TTLL4: variants seen among roughly 807,000 people sequenced by gnomAD.
TTLL4 encodes the protein tubulin monoglutamylase TTLL4.
TTLL4 carries 85 observed loss-of-function variants against 122.7 expected under a neutral mutation model. The ratio of observed to expected loss-of-function variants is 0.69; its 90% CI spans 0.58 to 0.83. The LOEUF is 0.83. TTLL4 is among the 40% of genes least tolerant of loss of function. The probability of loss-of-function intolerance (pLI) is 0.00; values close to 1 mark genes in which losing one functional copy is unlikely to be tolerated. For synonymous variants in TTLL4, 553 were observed against 563.0 expected (o/e 0.98, Z 0.25); for missense variants, 1,363 against 1,488.6 (o/e 0.92, Z 1.39).
chr2:218,747,333 G>T lies in TTLL4; in HGVS notation c.2210G>T (p.Trp737Leu). The change falls in exon 10 of 20, where the codon TGG becomes TTG. Residue 737 changes from tryptophan (W) to leucine (L), a missense_variant. Around this residue, in one of 3 missense-constraint regions of TTLL4, gnomAD observed 596 missense variants for 655.8 expected, o/e 0.91. Coordinates refer to ENST00000392102, the MANE Select transcript of TTLL4 (RefSeq NM_014640.5). The surrounding 1 kb of genome is among the most constrained non-coding windows in gnomAD (Gnocchi z 4.7). ...RGIGIQVIHK[W>L]SQLPKRRPLL... ...ATTGGCATCCAGGTTATTCACAAGT[G>T]GAGTCAGCTCCCCAAGCGAAGGCCC... 1 of 1,614,160 alleles carries T rather than the reference G, an allele frequency of 6.2e-7. No homozygotes were observed. Among genetic ancestry groups the T allele is most frequent in the Non-Finnish European group, 8.5e-7 (1 of 1,180,034 alleles).
chr2:218,748,996 C>T (rs1942939685), intron 13 of TTLL4, 62 bp downstream of exon 13: 2 of 1,540,662 alleles, frequency 1.3e-6, no homozygotes, highest in Admixed American at 3.5e-5. Context: ...TCTCCTGGGC[C>T]TCACACTGCT....
At chr2:218,752,079 A>G (rs893058064) in intron 16 of TTLL4, among the ~76,000 whole-genome samples, 1 of 151,606 alleles carries the variant, frequency 6.6e-6, no homozygotes, top group African/African-American at 2.4e-5. Flanking sequence ...AGCTAATTTT[A>G]TATTTTTTAG....
At chr2:218,746,836 G>T in intron 8 of TTLL4, 167 bp from the exon 9 acceptor site, 1 of 657,208 alleles carries the variant, frequency 1.5e-6, no homozygotes. Flanking sequence ...ATCTTTTGGT[G>T]AGTGCTCTGC....
At chr2:218,728,777 G>A (rs1281920454) in intron 2 of TTLL4, among the ~76,000 whole-genome samples, 3 of 152,156 alleles carry the variant, frequency 2.0e-5, no homozygotes, top group Non-Finnish European at 4.4e-5. Context: ...ATCTCCTTTG[G>A]CTGAGTTACA....
intron 7 of TTLL4, 117 bp from the exon 8 acceptor site, chr2:218,746,038 A>C (rs1483951788): frequency 8.2e-7 from 1 of 1,226,584 alleles, no homozygotes; most frequent in African/African-American, 1.5e-5. Flanking sequence ...GGACAGCTCC[A>C]TAGCAACTCT....
At position 218,752,833 on chromosome 2, in the gene TTLL4, A is replaced by C; in HGVS notation, c.3047A>C (p.Glu1016Ala). 2 of 1,614,134 alleles carry C rather than the reference A, an allele frequency of 1.2e-6. No homozygotes were observed. Among genetic ancestry groups the C allele is most frequent in the Non-Finnish European group, 1.7e-6 (2 of 1,180,024 alleles). The stretch of plus-strand genomic sequence containing the variant: ...CGGATTCTGGTTGAGATGGAAGATG[A>C]GTTTTCTCGCCGTGGTCAGTTTGAA... Reference protein sequence around the residue: ...DVRILVEMEDEFSRRGQFERI... With the variant: ...DVRILVEMEDAFSRRGQFERI... Residue 1016 changes from glutamate to alanine, a missense_variant, in exon 17 of 20, where the codon GAG becomes GCG. Around this residue, in one of 3 missense-constraint regions of TTLL4, gnomAD observed 596 missense variants for 655.8 expected, o/e 0.91. Coordinates refer to ENST00000392102, the MANE Select transcript of TTLL4 (RefSeq NM_014640.5).
In TTLL4 at chr2:218,749,964, T is replaced by C. The variant is rs770673576; in HGVS notation, c.2736-45T>C. 19 of 1,605,208 alleles carry C rather than the reference T, an allele frequency of 1.2e-5. No individual in the cohort carries two copies. The South Asian group carries it at 2.0e-4, about 17-fold the overall frequency. ...GAGTTGCACATATGACCAGAGACTGTTTCGGAGTGCTGCTTTGACCACTCT... is the reference window on the plus strand; with the variant it reads ...GAGTTGCACATATGACCAGAGACTGCTTCGGAGTGCTGCTTTGACCACTCT... On this transcript the variant is annotated intron_variant, in intron 14 of 19. Transcript: ENST00000392102.
At chr2:218,745,327 T>G in intron 6 of TTLL4, 94 bp downstream of exon 6, 1 of 1,538,938 alleles carries the variant, frequency 6.5e-7, no homozygotes, top group Non-Finnish European at 8.9e-7. Flanking sequence ...GGAGAGGGTT[T>G]CCAGAATGGC....
chr2:218,731,209 G>A (rs4674331), intron 2 of TTLL4, among the ~76,000 whole-genome samples: 55,516 of 151,650 alleles, frequency 0.37, 10,803 homozygotes, highest in Non-Finnish European at 0.42. Flanking sequence ...TCAGGAGTTC[G>A]AGGCCAGCCT....
chr2:218,745,875 A>G, intron 7 of TTLL4, 74 bp downstream of exon 7: 1 of 1,368,258 alleles, frequency 7.3e-7, no homozygotes, highest in Non-Finnish European at 1.0e-6. Flanking sequence ...GGAGAGCTCT[A>G]GACACCTCGT....
In TTLL4 at chr2:218,753,455, G is replaced by T. The variant is rs1342887132; in HGVS notation, c.3259-129G>T. The T allele has an allele frequency of 5.0e-6, 5 of 992,894 alleles. No individual in the cohort carries two copies. The African/African-American group carries it at 6.4e-5, about 13-fold the overall frequency. 61.5% of individuals were successfully genotyped at this position (992,894 alleles called of 1,614,324 possible). A position where few individuals can be genotyped will look rare whatever the true frequency, so the allele number is the denominator to read the frequency against. On this transcript the variant is annotated intron_variant, in intron 18 of 19. Transcript: ENST00000392102. ...GAGACTTTTACCCACCTGGGCCCAT[G>T]CCTGAGGGGTAGGGAAGGGGAGAAC... is the stretch of plus-strand genomic sequence containing the variant.
intron 1 of TTLL4, among the ~76,000 whole-genome samples, chr2:218,724,061 T>G (rs994076095): frequency 6.6e-6 from 1 of 152,174 alleles, no homozygotes; most frequent in Non-Finnish European, 1.5e-5. Flanking sequence ...CTGCAACTTA[T>G]GCTCAAACAT....
chr2:218,748,317 A>C, intron 12 of TTLL4, 90 bp downstream of exon 12: 8 of 1,543,380 alleles, frequency 5.2e-6, no homozygotes, highest in Non-Finnish European at 7.0e-6. Context: ...TGGCGAGTGG[A>C]GGATTAATAT....
intron 5 of TTLL4, among the ~76,000 whole-genome samples, chr2:218,741,545 G>A (rs769527625): frequency 1.1e-4 from 17 of 152,290 alleles, no homozygotes; most frequent in Middle Eastern, 3.4e-3. Flanking sequence ...CTGCAAGGTG[G>A]AGACAGAGCT....
intron 1 of TTLL4, among the ~76,000 whole-genome samples, chr2:218,726,582 C>T (rs1468968905): frequency 6.6e-6 from 1 of 151,780 alleles, no homozygotes; most frequent in African/African-American, 2.4e-5. Flanking sequence ...TCTTATGCCT[C>T]AGCCTCATAA....
At chr2:218,717,912 C>T (rs756670242) in intron 1 of TTLL4, among the ~76,000 whole-genome samples, 20 of 152,242 alleles carry the variant, frequency 1.3e-4, no homozygotes, top group Admixed American at 3.9e-4. Context: ...CATTCTCCTG[C>T]CTCAGCCTCC....
chr2:218,735,860 A>C (rs1942504857), intron 2 of TTLL4, among the ~76,000 whole-genome samples: 1 of 151,138 alleles, frequency 6.6e-6, no homozygotes, highest in Admixed American at 6.6e-5. Context: ...TTTAGTAGAG[A>C]GCGTTTCACC....
chr2:218,728,921 ATTTTTTTTTTT>A (rs1191716175), intron 2 of TTLL4, among the ~76,000 whole-genome samples: 6 of 69,196 alleles, frequency 8.7e-5, no homozygotes, highest in South Asian at 4.8e-4. Context: ...CTGGTGGTCT[ATTTTTTTTTTT>A]TTTTTTTTTG....
intron 2 of TTLL4, among the ~76,000 whole-genome samples, chr2:218,734,144 G>A (rs1014629148): frequency 6.6e-6 from 1 of 152,106 alleles, no homozygotes; most frequent in Non-Finnish European, 1.5e-5. Flanking sequence ...GCTACTTATT[G>A]GTTATTTAAT....
Sources: allele counts gnomAD v4.1 joint callset (sites outside exome capture counted in the v4.1 genomes callset), GRCh38; gene constraint gnomAD v4.1.1; regional missense constraint gnomAD v4.1.1; non-coding constraint Gnocchi (gnomAD v3.1); transcripts MANE v1.5; gene names NCBI Gene and HGNC (gene_info 2026-07-23, HGNC 2026-07-21).